The following KCNMA1 variants were observed in gnomAD, a reference collection of about 807,000 sequenced individuals.
KCNMA1 encodes the protein potassium calcium-activated channel subfamily M alpha 1, also known as Calcium-activated potassium channel subunit alpha-1.
KCNMA1 carries 29 observed loss-of-function variants against 140.0 expected under a neutral mutation model. The ratio of observed to expected loss-of-function variants is 0.21; its 90% CI spans 0.15 to 0.28. KCNMA1 has a LOEUF of 0.28. Ranked by LOEUF, KCNMA1 falls within the 10% of genes least tolerant of loss-of-function variation. The probability of loss-of-function intolerance (pLI) is 1.00; values close to 1 mark genes in which losing one functional copy is unlikely to be tolerated. For missense variants in KCNMA1, 880 were observed against 1,602.2 expected, an observed-to-expected ratio of 0.55 and a Z score of 7.70; for synonymous variants, 612 against 611.9, an observed-to-expected ratio of 1.00 and a Z score of 0.00.
At chr10:77,465,343 ATGG>A (rs1302264799) in intron 1 of KCNMA1, among the ~76,000 whole-genome samples, 3 of 152,118 alleles carry the variant, frequency 2.0e-5, no homozygotes, top group Non-Finnish European at 4.4e-5. Flanking sequence ...TTTAATGCAA[ATGG>A]TAAGGCAACT....
At chr10:76,878,544 G>C (rs189481117) in intron 29 of KCNMA1, among the ~76,000 whole-genome samples, 1 of 152,252 alleles carries the variant, frequency 6.6e-6, no homozygotes, top group African/African-American at 2.4e-5. Flanking sequence ...AGGATTTTGA[G>C]GTGGCTTTTA....
chr10:77,385,228 TTCTC>T (rs925480036), intron 2 of KCNMA1, among the ~76,000 whole-genome samples: 37 of 152,060 alleles, frequency 2.4e-4, no homozygotes, highest in Middle Eastern at 3.4e-3. Context: ...CATATATTTC[TTCTC>T]TCTCTCTCTC....
In KCNMA1 at chr10:77,172,904, T is replaced by C. The variant is rs572352737; in HGVS notation, c.808+10517A>G. The stretch of plus-strand genomic sequence containing the variant: ...TGCTCCATAGATGGCACTTTCTTGT[T>C]TCCCTGCATGGTGGGAGGGACAAAC... On this transcript the variant is annotated intron_variant, in intron 5 of 27. Coordinates refer to ENST00000286628, the MANE Select transcript of KCNMA1 (RefSeq NM_001161352.2). 2.2e-4 allele frequency among the ~76,000 whole-genome samples: 34 copies of C among 152,206 alleles called. No homozygotes were observed. In the South Asian group the frequency reaches 7.1e-3, roughly 32 times the overall value.
intron 1 of KCNMA1, among the ~76,000 whole-genome samples, chr10:77,511,532 CA>C (rs1052555850): frequency 1.3e-5 from 2 of 152,178 alleles, no homozygotes; most frequent in Non-Finnish European, 2.9e-5. Flanking sequence ...CTTCCCAAGC[CA>C]CAGCCTCTTT....
chr10:76,934,106 G>T (rs1319229778), intron 23 of KCNMA1, among the ~76,000 whole-genome samples: 1 of 152,070 alleles, frequency 6.6e-6, no homozygotes, highest in Non-Finnish European at 1.5e-5. Context: ...TGGAGTAGCT[G>T]GGTCTACAGA....
At chr10:77,385,592 A>G (rs548966790) in intron 2 of KCNMA1, among the ~76,000 whole-genome samples, 2 of 152,372 alleles carry the variant, frequency 1.3e-5, no homozygotes, top group South Asian at 2.1e-4. Context: ...TTTAGAGTGG[A>G]TAAGTCACAT....
intron 3 of KCNMA1, among the ~76,000 whole-genome samples, chr10:77,247,782 C>A (rs1345650322): frequency 6.6e-6 from 1 of 152,090 alleles, no homozygotes; most frequent in African/African-American, 2.4e-5. Flanking sequence ...AAGACTCAGT[C>A]CAGAGGCATC....
intron 6 of KCNMA1, among the ~76,000 whole-genome samples, chr10:77,116,505 TTC>T (rs1347734017): frequency 6.6e-6 from 1 of 152,012 alleles, no homozygotes; most frequent in Non-Finnish European, 1.5e-5. Flanking sequence ...TCTCTAATTT[TTC>T]TCTTTGTTTC....
intron 16 of KCNMA1, chr10:77,020,187 T>TTC (rs1432394271): frequency 6.6e-6 from 1 of 152,128 alleles, no homozygotes; most frequent in Non-Finnish European, 1.5e-5. Context: ...CTAAAGGAAG[T>TTC]TCTCAGCTGC....
At chr10:77,536,681 A>T (rs1447893589) in intron 1 of KCNMA1, among the ~76,000 whole-genome samples, 1 of 152,006 alleles carries the variant, frequency 6.6e-6, no homozygotes, top group African/African-American at 2.4e-5. Flanking sequence ...GGAATTGGGT[A>T]CTCTGTCTCC....
intron 9 of KCNMA1, among the ~76,000 whole-genome samples, chr10:77,098,437 C>T (rs1192550290): frequency 6.6e-6 from 1 of 152,100 alleles, no homozygotes; most frequent in Non-Finnish European, 1.5e-5. Flanking sequence ...TTGATTCAAC[C>T]TGATGACAAA....
At chr10:77,116,602 A>G (rs905433105) in intron 6 of KCNMA1, among the ~76,000 whole-genome samples, 1 of 152,024 alleles carries the variant, frequency 6.6e-6, no homozygotes, top group Non-Finnish European at 1.5e-5. Context: ...CTAAAAAGTT[A>G]ACTGGACTGC....
intron 1 of KCNMA1, among the ~76,000 whole-genome samples, chr10:77,456,497 T>A (rs943174695): frequency 2.0e-5 from 3 of 152,236 alleles, no homozygotes; most frequent in African/African-American, 4.8e-5. Flanking sequence ...TTTCCACTTC[T>A]ACCTCCGTGA....
intron 5 of KCNMA1, among the ~76,000 whole-genome samples, chr10:77,141,595 G>A (rs542370527): frequency 3.3e-5 from 5 of 152,318 alleles, no homozygotes; most frequent in Non-Finnish European, 5.9e-5. Flanking sequence ...TTTCAGAACT[G>A]TGAGAAAATA....
At chr10:77,311,126 A>G (rs1218678254) in intron 2 of KCNMA1, among the ~76,000 whole-genome samples, 1 of 152,210 alleles carries the variant, frequency 6.6e-6, no homozygotes, top group East Asian at 1.9e-4. Flanking sequence ...TTCTGTGAAG[A>G]GTCTCCAGCA....
Position 77,001,425 on chromosome 10 carries a change from A to T in KCNMA1, c.2248T>A (p.Ser750Thr). Reference protein sequence around the residue: ...PLSSVSVNDCSTSFRAFEDEQ... With the variant: ...PLSSVSVNDCTTSFRAFEDEQ... ...AACTTACAGGCACGGAAACTGGTGG[A>T]GCAATCATTAACAGAGACAGAAGAA... Residue 750 changes from serine to threonine, a missense_variant, in exon 19 of 28, where the codon TCC (serine) becomes ACC (threonine). Transcript: ENST00000286628. The T allele has an allele frequency of 6.4e-7, 1 of 1,551,686 alleles. No homozygotes were observed. Among genetic ancestry groups the T allele is most frequent in the Non-Finnish European group, 8.7e-7 (1 of 1,146,944 alleles).
intron 23 of KCNMA1, among the ~76,000 whole-genome samples, chr10:76,928,254 TACACAC>T (rs57777811): frequency 4.8e-5 from 7 of 144,724 alleles, no homozygotes; most frequent in South Asian, 2.2e-4. Flanking sequence ...TTCAGAAAAA[TACACAC>T]ACACACACAC....
At chr10:77,227,450 C>T (rs1360249761) in intron 3 of KCNMA1, among the ~76,000 whole-genome samples, 1 of 152,108 alleles carries the variant, frequency 6.6e-6, no homozygotes, top group African/African-American at 2.4e-5. Context: ...AAAACAGAAC[C>T]ACCTTTGTAG....
intron 4 of KCNMA1, among the ~76,000 whole-genome samples, chr10:77,184,326 TCTC>T (rs984598710): frequency 3.9e-5 from 6 of 152,256 alleles, no homozygotes; most frequent in African/African-American, 1.4e-4. Flanking sequence ...TTCAAGCAAT[TCTC>T]CTGTCTCAGC....
Sources: gnomAD v4.1 joint callset for allele counts (sites outside exome capture counted in the v4.1 genomes callset) on GRCh38, gnomAD v4.1.1 for gene constraint, MANE v1.5 for transcripts, NCBI Gene and HGNC (gene_info 2026-07-23, HGNC 2026-07-21) for gene names.